Variants in MTHFS observed in about 807,000 individuals in gnomAD.
MTHFS encodes the protein methenyltetrahydrofolate synthetase.
In MTHFS, 7 loss-of-function variants were observed where a neutral mutation model predicts 12.7. That is an observed-to-expected ratio of 0.55 (90% confidence interval 0.31 to 1.03). The LOEUF is 1.03. MTHFS is among the 50% of genes least tolerant of loss of function. The pLI, the probability that MTHFS is intolerant of heterozygous loss-of-function variation, is 0.05. For synonymous variants in MTHFS, 100 were observed against 97.1 expected (o/e 1.03, Z -0.18); for missense variants, 252 against 258.1 (o/e 0.98, Z 0.16).
intron 2 of MTHFS, among the ~76,000 whole-genome samples, chr15:79,874,569 A>G (rs557945663): frequency 2.0e-5 from 3 of 152,154 alleles, no homozygotes; most frequent in Non-Finnish European, 4.4e-5. Context: ...CCCTAGCCCT[A>G]GGACATTTAT....
At chr15:79,847,709 TCCA>T (rs1187473097) in intron 2 of MTHFS, among the ~76,000 whole-genome samples, 1 of 148,998 alleles carries the variant, frequency 6.7e-6, no homozygotes, top group Admixed American at 6.7e-5. Context: ...CAGACATTTG[TCCA>T]AAGAAGACAT....
intron 2 of MTHFS, among the ~76,000 whole-genome samples, chr15:79,857,184 G>C (rs2033823553): frequency 6.6e-6 from 1 of 151,988 alleles, no homozygotes; most frequent in Non-Finnish European, 1.5e-5. Context: ...TTTTAGTAGA[G>C]ATGGGGTTTC....
intron 2 of MTHFS, among the ~76,000 whole-genome samples, chr15:79,845,868 G>T (rs1408537291): frequency 6.6e-6 from 1 of 152,106 alleles, no homozygotes; most frequent in Non-Finnish European, 1.5e-5. Flanking sequence ...TGTTTCTCAG[G>T]GTCAGTGAGC....
At position 79,881,441 on chromosome 15, in the gene MTHFS, A is replaced by G. The variant is rs80150548; in HGVS notation, c.379+7652T>C. ...AGGATATATTCTAAAGCCGCTGCAAAAGATAAAATAGACAATTCTGGAACA... is the reference window on the plus strand; with the variant it reads ...AGGATATATTCTAAAGCCGCTGCAAGAGATAAAATAGACAATTCTGGAACA... On this transcript the variant is annotated intron_variant, in intron 2 of 2. Coordinates refer to ENST00000258874, the MANE Select transcript of MTHFS (RefSeq NM_006441.4). 0.019 allele frequency among the ~76,000 whole-genome samples: 2,941 copies of G among 152,334 alleles called. 181 individuals carry two copies. In the East Asian group the frequency reaches 0.22, roughly 11 times the overall value.
rs1566985188 is a variant in MTHFS at position 79,845,440 on chromosome 15, C to T, written c.382G>A (p.Gly128Arg). 3 of 1,611,090 alleles carry T rather than the reference C, an allele frequency of 1.9e-6. 1 individual carries two copies. Among genetic ancestry groups the T allele is most frequent in the Admixed American group, 3.3e-5 (2 of 59,768 alleles). The stretch of plus-strand genomic sequence containing the variant: ...CCTGGCATGAAGATGAGATCAAGTC[C>T]CCCTGCGGAAAAGAGGAACAAATTT... ...DVREEALSTG[G>R]LDLIFMPGLG... The change falls in exon 3 of 3, where the codon GGA (glycine) becomes AGA (arginine). Residue 128 changes from glycine to arginine, a missense_variant and splice_region_variant. Coordinates refer to ENST00000258874, the MANE Select transcript of MTHFS (RefSeq NM_006441.4).
chr15:79,850,462 T>C (rs2033695661), intron 2 of MTHFS, among the ~76,000 whole-genome samples: 1 of 152,218 alleles, frequency 6.6e-6, no homozygotes, highest in Admixed American at 6.5e-5. Context: ...AACATAACTC[T>C]GCTGTGTAGT....
At chr15:79,891,003 T>A (rs748010192) in intron 1 of MTHFS, among the ~76,000 whole-genome samples, 10 of 152,222 alleles carry the variant, frequency 6.6e-5, no homozygotes, top group Non-Finnish European at 1.3e-4. Context: ...AGACTGTGCA[T>A]GCATATTTAT....
intron 2 of MTHFS, among the ~76,000 whole-genome samples, chr15:79,880,745 G>A (rs907336945): frequency 1.3e-5 from 2 of 151,226 alleles, no homozygotes; most frequent in Admixed American, 1.3e-4. Flanking sequence ...AATGAAATGG[G>A]GTTCTCTATT....
chr15:79,864,098 T>A (rs2033963378), intron 2 of MTHFS, among the ~76,000 whole-genome samples: 2 of 152,216 alleles, frequency 1.3e-5, no homozygotes, highest in Admixed American at 1.3e-4. Flanking sequence ...AATAATGCTC[T>A]GAGACTTACT....
At chr15:79,892,809 G>A (rs2141380360) in intron 1 of MTHFS, among the ~76,000 whole-genome samples, 1 of 152,118 alleles carries the variant, frequency 6.6e-6, no homozygotes, top group South Asian at 2.1e-4. Context: ...AAACTAGCTG[G>A]GCATAGTGGC....
rs192512216 is a variant in MTHFS at position 79,864,457 on chromosome 15, A to C, written c.380-19015T>G. Among the ~76,000 whole-genome samples, 17 of 148,056 alleles carry C rather than the reference A, an allele frequency of 1.1e-4. No homozygotes were observed. The East Asian group carries it at 1.6e-3, about 14-fold the overall frequency. On this transcript the variant is annotated intron_variant, in intron 2 of 2. Coordinates refer to ENST00000258874, the MANE Select transcript of MTHFS (RefSeq NM_006441.4). ...CTACTCAGGAGGCTGAGGCAGGAGA[A>C]TCGCTTGAACCCGGGAGGTGGAGGG...
chr15:79,885,030 A>ACTCCATCATGC (rs2034358404), intron 2 of MTHFS, among the ~76,000 whole-genome samples: 1 of 152,174 alleles, frequency 6.6e-6, no homozygotes, highest in South Asian at 2.1e-4. Flanking sequence ...GGATATCATG[A>ACTCCATCATGC]CTCCATCAAA....
At chr15:79,871,578 C>T (rs1286963875) in intron 2 of MTHFS, among the ~76,000 whole-genome samples, 20 of 150,378 alleles carry the variant, frequency 1.3e-4, no homozygotes, top group Admixed American at 1.1e-3. Flanking sequence ...TATCTTCTTT[C>T]ATTACCTCTT....
intron 2 of MTHFS, among the ~76,000 whole-genome samples, chr15:79,847,510 C>T (rs1441503111): frequency 6.6e-6 from 1 of 150,450 alleles, no homozygotes; most frequent in Non-Finnish European, 1.5e-5. Flanking sequence ...TGGTGAAATC[C>T]CGTCTCTACT....
intron 2 of MTHFS, among the ~76,000 whole-genome samples, chr15:79,869,009 T>C (rs1228627982): frequency 1.3e-5 from 2 of 152,228 alleles, no homozygotes; most frequent in Non-Finnish European, 2.9e-5. Context: ...CGGTGAGTGT[T>C]GGTAGCTTAT....
chr15:79,890,603 T>A (rs1487663259), intron 1 of MTHFS, among the ~76,000 whole-genome samples: 4 of 152,222 alleles, frequency 2.6e-5, no homozygotes, highest in African/African-American at 9.6e-5. Flanking sequence ...CTTTTCTTAT[T>A]CTTTATAAGA....
At chr15:79,860,368 A>G (rs1412027221) in intron 2 of MTHFS, among the ~76,000 whole-genome samples, 2 of 151,966 alleles carry the variant, frequency 1.3e-5, no homozygotes, top group Non-Finnish European at 2.9e-5. Context: ...CAGCCTGGGC[A>G]ACAGAGCGAG....
chr15:79,881,398 T>C (rs770892034), intron 2 of MTHFS, among the ~76,000 whole-genome samples: 18 of 152,092 alleles, frequency 1.2e-4, no homozygotes, highest in Non-Finnish European at 2.4e-4. Flanking sequence ...AAGAAGTAAA[T>C]TACCATTCTC....
chr15:79,888,675 G>A (rs192973651), intron 2 of MTHFS, among the ~76,000 whole-genome samples: 24 of 152,334 alleles, frequency 1.6e-4, no homozygotes, highest in Non-Finnish European at 2.9e-5. Flanking sequence ...AGGATGACCT[G>A]GAGATTTCTG....
Sources: gnomAD v4.1 joint callset for allele counts (sites outside exome capture counted in the v4.1 genomes callset) on GRCh38, gnomAD v4.1.1 for gene constraint, MANE v1.5 for transcripts, NCBI Gene and HGNC (gene_info 2026-07-23, HGNC 2026-07-21) for gene names.